NDUFS1: variants seen among roughly 807,000 people sequenced by gnomAD.
NDUFS1 encodes the protein NADH:ubiquinone oxidoreductase core subunit S1.
In NDUFS1, 61 loss-of-function variants were observed where a neutral mutation model predicts 84.4. That is an observed-to-expected ratio of 0.72 (90% CI 0.59 to 0.89). The LOEUF is 0.89. NDUFS1 is among the 40% of genes least tolerant of loss of function. NDUFS1 has a pLI of 0.00. For synonymous variants in NDUFS1, 275 were observed against 290.0 expected (o/e 0.95, Z 0.53); for missense variants, 891 against 890.0 (o/e 1.00, Z -0.01).
At chr2:206,127,763 GT>G (rs1290330249) in intron 16 of NDUFS1, 33 bp downstream of exon 16, 1 of 1,606,344 alleles carries the variant, frequency 6.2e-7, no homozygotes, top group Admixed American at 1.7e-5. Flanking sequence ...TATGCCTTTA[GT>G]AGCATCACTA....
rs180741578 is a variant in NDUFS1 at position 206,157,212 on chromosome 2, A to G, written c.-5+2129T>C. 6.4e-4 allele frequency among the ~76,000 whole-genome samples: 97 copies of G among 152,258 alleles called. 1 individual carries two copies. The East Asian group carries it at 0.013, about 20-fold the overall frequency. Reference sequence around the variant, plus strand: ...GTGATCCACCCGCGTCGACCTCCCAACGTGTTGGGATTACAGACGTGAGTC... The same window carrying G: ...GTGATCCACCCGCGTCGACCTCCCAGCGTGTTGGGATTACAGACGTGAGTC... On this transcript the variant is annotated intron_variant, in intron 1 of 18. Coordinates refer to ENST00000233190, the MANE Select transcript of NDUFS1 (RefSeq NM_005006.7).
At chr2:206,159,289 A>T (rs1687815095) in intron 1 of NDUFS1, 52 bp downstream of exon 1, 1 of 733,060 alleles carries the variant, frequency 1.4e-6, no homozygotes, top group African/African-American at 1.8e-5. Flanking sequence ...CCCGTCAATA[A>T]ATAAGCCTCT....
chr2:206,156,079 T>C (rs893916769), intron 1 of NDUFS1, among the ~76,000 whole-genome samples: 5 of 150,682 alleles, frequency 3.3e-5, no homozygotes, highest in Admixed American at 2.0e-4. Context: ...CTGGCCAACA[T>C]GGTGAAACCC....
chr2:206,137,472 G>A (rs1454535132), intron 13 of NDUFS1, among the ~76,000 whole-genome samples: 1 of 150,346 alleles, frequency 6.7e-6, no homozygotes, highest in African/African-American at 2.5e-5. Flanking sequence ...TCGTCTCCCC[G>A]CCAAGGAAAA....
At chr2:206,132,340 T>C (rs1249779861) in intron 14 of NDUFS1, among the ~76,000 whole-genome samples, 3 of 152,124 alleles carry the variant, frequency 2.0e-5, no homozygotes, top group African/African-American at 7.2e-5. Context: ...TCCCAGCAGT[T>C]TGGGAGGCTG....
intron 18 of NDUFS1, among the ~76,000 whole-genome samples, chr2:206,124,897 A>G (rs1691230318): frequency 1.3e-5 from 2 of 152,170 alleles, no homozygotes; most frequent in Non-Finnish European, 2.9e-5. Context: ...ATTATTGAAA[A>G]AGGTTACAAA....
chr2:206,115,825 A>C lies in NDUFS1; in HGVS notation c.*8360T>G. 3 of 433,158 alleles carry C rather than the reference A, an allele frequency of 6.9e-6. No individual in the cohort carries two copies. The highest frequency in any genetic ancestry group is 1.3e-5 in the Non-Finnish European group (3 of 233,260). The allele number at this position is 433,158 out of a possible 1,614,324, so 26.8% of individuals were successfully genotyped here. On this transcript the variant is annotated 3_prime_UTR_variant, in exon 19 of 19. Coordinates refer to ENST00000233190, the MANE Select transcript of NDUFS1 (RefSeq NM_005006.7). ...AACAACATTATCTTTGAATTATGTA[A>C]TTTTTGTAACTAATTTTTACCATGG...
Position 206,124,273 on chromosome 2 carries a change from G to T in NDUFS1, c.2096C>A (p.Ser699Ter). ...LTIKDFYMTD[S>*]ISRASQTMAK... ...CATTGTCTGTGAGGCTCTGCTAATT[G>T]AATCTGAAAGATATTAAGAAAATGT... The change falls in exon 19 of 19, where the codon TCA (serine) becomes TAA (stop). Residue 699 changes from serine (S) to a stop codon, truncating the protein, a stop_gained. Coordinates refer to ENST00000233190, the MANE Select transcript of NDUFS1 (RefSeq NM_005006.7). LOFTEE classifies it high-confidence loss of function. The T allele has an allele frequency of 6.2e-7, 1 of 1,604,538 alleles. No homozygotes were observed. Among genetic ancestry groups the T allele is most frequent in the Non-Finnish European group, 8.5e-7 (1 of 1,171,388 alleles).
At chr2:206,148,164 A>T (rs1347142225) in intron 5 of NDUFS1, among the ~76,000 whole-genome samples, 10 of 151,954 alleles carry the variant, frequency 6.6e-5, no homozygotes, top group Non-Finnish European at 7.4e-5. Context: ...ACCTCAAGTG[A>T]TCCTCCCGCC....
At chr2:206,133,933 T>C (rs1214475702) in intron 13 of NDUFS1, among the ~76,000 whole-genome samples, 2 of 152,204 alleles carry the variant, frequency 1.3e-5, no homozygotes, top group African/African-American at 4.8e-5. Context: ...TGGGCCAAGA[T>C]TGTGCCACTG....
rs1691108036 is a variant in NDUFS1, at chr2:206,121,947, C to G, written c.*2238G>C. On this transcript the variant is annotated 3_prime_UTR_variant, in exon 19 of 19. Transcript: ENST00000233190. ...ATACAAAATTGGGACTATGTCCCCT[C>G]AAGATGAGCACAGTGCTAAGAGGTA... is the stretch of plus-strand genomic sequence containing the variant. The G allele has an allele frequency of 6.6e-6, 1 of 152,114 alleles. No individual in the cohort carries two copies. The highest frequency in any genetic ancestry group is 1.5e-5 in the Non-Finnish European group (1 of 68,032). The allele number at this position is 152,114 out of a possible 1,614,324, so 9.4% of individuals were successfully genotyped here.
chr2:206,139,821 G>A (rs1691864434), intron 12 of NDUFS1, among the ~76,000 whole-genome samples: 1 of 138,140 alleles, frequency 7.2e-6, no homozygotes, highest in East Asian at 2.3e-4. Flanking sequence ...TCTCTAAGAT[G>A]TAAATTTAAA....
intron 8 of NDUFS1, among the ~76,000 whole-genome samples, chr2:206,145,284 TCAC>T (rs960471708): frequency 6.6e-6 from 1 of 151,990 alleles, no homozygotes; most frequent in Non-Finnish European, 1.5e-5. Flanking sequence ...AACTATCCTC[TCAC>T]CACATTTTAA....
At position 206,116,574 on chromosome 2, in the gene NDUFS1, A is replaced by T; in HGVS notation, c.*7611T>A. On this transcript the variant is annotated 3_prime_UTR_variant, in exon 19 of 19. Coordinates refer to ENST00000233190, the MANE Select transcript of NDUFS1 (RefSeq NM_005006.7). ...GGGGAGGCGGGGCGGTGTGGGCAGAAGTAAATTTCTTTATAAATTACCCAG... is the reference window on the plus strand; with the variant it reads ...GGGGAGGCGGGGCGGTGTGGGCAGATGTAAATTTCTTTATAAATTACCCAG... 1 of 591,782 alleles carries T rather than the reference A, an allele frequency of 1.7e-6. No individual in the cohort carries two copies. 36.7% of individuals were successfully genotyped at this position (591,782 alleles called of 1,614,324 possible).
chr2:206,129,026 A>G (rs1691404009), intron 15 of NDUFS1, among the ~76,000 whole-genome samples: 1 of 152,146 alleles, frequency 6.6e-6, no homozygotes, highest in South Asian at 2.1e-4. Flanking sequence ...AACTACAGAA[A>G]AATTTGGAAA....
chr2:206,153,659 CT>C lies in NDUFS1; in HGVS notation c.19del (p.Arg7GlufsTer4). 1 of 1,537,714 alleles carries C rather than the reference CT, an allele frequency of 6.5e-7. No individual in the cohort carries two copies. The highest frequency in any genetic ancestry group is 9.0e-7 in the Non-Finnish European group (1 of 1,115,254). MLRIPV[R>X]KALVGLSKSP... ...CTTAGAAAGGCCTACTAAGGCCTTT[CT>C]TACAGGTATCCTTAACATATTGCTA... On this transcript the variant is annotated frameshift_variant, in exon 2 of 19. Transcript: ENST00000233190. LOFTEE classifies it high-confidence loss of function.
intron 1 of NDUFS1, among the ~76,000 whole-genome samples, chr2:206,157,025 T>C (rs1687682194): frequency 1.3e-5 from 2 of 152,214 alleles, no homozygotes; most frequent in African/African-American, 2.4e-5. Flanking sequence ...TGGTGTGATC[T>C]TGACTCACTG....
Position 206,130,366 on chromosome 2 carries a change from T to A in NDUFS1, c.1554-124A>T, listed in dbSNP as rs965840184. The A allele has an allele frequency of 5.5e-6, 7 of 1,271,370 alleles. No individual in the cohort carries two copies. The African/African-American group carries it at 9.5e-5, about 17-fold the overall frequency. 78.8% of individuals were successfully genotyped at this position (1,271,370 alleles called of 1,614,324 possible). A position where few individuals can be genotyped will look rare whatever the true frequency, so the allele number is the denominator to read the frequency against. On this transcript the variant is annotated intron_variant, in intron 14 of 18. Transcript: ENST00000233190. ...AACCCATTTTATTTTATTTTATTTT[T>A]TTCTCGGCGATAGAGTCTCACTTTG...
rs1170005439 is a variant in NDUFS1 at position 206,116,763 on chromosome 2, T to G, written c.*7422A>C. On this transcript the variant is annotated 3_prime_UTR_variant, in exon 19 of 19. Transcript: ENST00000233190. ...TTAGCTGGGCGCGGTGGCTTACGCCTGTAATCCCAGCACTTTGGGAGGCCG... is the reference window on the plus strand; with the variant it reads ...TTAGCTGGGCGCGGTGGCTTACGCCGGTAATCCCAGCACTTTGGGAGGCCG... 1.3e-5 allele frequency: 3 copies of G among 222,416 alleles called. No homozygotes were observed. The highest frequency in any genetic ancestry group is 2.7e-5 in the Non-Finnish European group (3 of 109,766). The allele number at this position is 222,416 out of a possible 1,614,324, so 13.8% of individuals were successfully genotyped here.
Sources: gnomAD v4.1 joint callset for allele counts (sites outside exome capture counted in the v4.1 genomes callset) on GRCh38, gnomAD v4.1.1 for gene constraint, MANE v1.5 for transcripts, NCBI Gene and HGNC (gene_info 2026-07-23, HGNC 2026-07-21) for gene names.